DOCK10: variants seen among roughly 807,000 people sequenced by gnomAD.
DOCK10 encodes dedicator of cytokinesis 10.
A neutral mutation model predicts 280.1 loss-of-function variants in DOCK10; 145 were observed. The ratio of observed to expected loss-of-function variants is 0.52; its 90% CI spans 0.45 to 0.59. DOCK10 has a LOEUF of 0.59. Among genes scored for constraint, DOCK10 ranks in the 20% least tolerant of loss-of-function variants. The probability of loss-of-function intolerance (pLI) is 0.00; values close to 1 mark genes in which losing one functional copy is unlikely to be tolerated. For synonymous variants in DOCK10, 915 were observed against 942.2 expected, an observed-to-expected ratio of 0.97 and a Z score of 0.53; for missense variants, 2,368 against 2,651.7, an observed-to-expected ratio of 0.89 and a Z score of 2.35.
At chr2:225,009,950 C>T (rs2126296346) in intron 1 of DOCK10, among the ~76,000 whole-genome samples, 1 of 152,214 alleles carries the variant, frequency 6.6e-6, no homozygotes, top group African/African-American at 2.4e-5. Flanking sequence ...AACTGAGTAA[C>T]AAACTGCCCC....
chr2:224,794,029 T>C (rs922216365), intron 45 of DOCK10, among the ~76,000 whole-genome samples: 3 of 152,220 alleles, frequency 2.0e-5, no homozygotes, highest in Non-Finnish European at 4.4e-5. Context: ...TGAACACATA[T>C]TAAAACTCGA....
At chr2:224,925,654 T>C (rs563296036) in intron 2 of DOCK10, among the ~76,000 whole-genome samples, 1 of 152,360 alleles carries the variant, frequency 6.6e-6, no homozygotes, top group South Asian at 2.1e-4. Flanking sequence ...AGAGTTTTAC[T>C]GGTGTGGACA....
At chr2:224,869,956 A>C (rs555498272) in intron 11 of DOCK10, among the ~76,000 whole-genome samples, 1 of 152,208 alleles carries the variant, frequency 6.6e-6, no homozygotes, top group Non-Finnish European at 1.5e-5. Flanking sequence ...TTTATTTAAC[A>C]AGGTGACTAA....
At chr2:224,960,885 G>A (rs1164729643) in intron 1 of DOCK10, among the ~76,000 whole-genome samples, 4 of 151,780 alleles carry the variant, frequency 2.6e-5, no homozygotes, top group African/African-American at 7.3e-5. Context: ...GACTACAGGC[G>A]CGCGCCACCG....
intron 1 of DOCK10, among the ~76,000 whole-genome samples, chr2:225,038,615 G>A (rs1198361355): frequency 6.6e-6 from 1 of 152,130 alleles, no homozygotes; most frequent in African/African-American, 2.4e-5. Flanking sequence ...ACTTCCGGCA[G>A]GATGCTTTCT....
At chr2:224,825,585 T>C (rs1458375286) in intron 27 of DOCK10, among the ~76,000 whole-genome samples, 2 of 152,342 alleles carry the variant, frequency 1.3e-5, no homozygotes, top group East Asian at 3.9e-4. Flanking sequence ...CATACGTACA[T>C]TTTCCCCACA....
At chr2:224,851,163 C>A (rs1263513415) in intron 18 of DOCK10, among the ~76,000 whole-genome samples, 3 of 152,204 alleles carry the variant, frequency 2.0e-5, no homozygotes, top group Non-Finnish European at 4.4e-5. Context: ...TATAAGCCCC[C>A]TTTGTCCAAA....
chr2:224,950,891 A>G (rs2126120495), intron 1 of DOCK10, among the ~76,000 whole-genome samples: 1 of 152,360 alleles, frequency 6.6e-6, no homozygotes, highest in Admixed American at 6.5e-5. Context: ...GGAAATACTG[A>G]GAAGGCATAG....
At chr2:225,039,811 T>G (rs937483925) in intron 1 of DOCK10, among the ~76,000 whole-genome samples, 3 of 152,144 alleles carry the variant, frequency 2.0e-5, no homozygotes, top group African/African-American at 7.2e-5. Context: ...CCTATGGCAA[T>G]CTTTTGGCAA....
chr2:224,794,743 T>C (rs906405080), intron 45 of DOCK10, 136 bp downstream of exon 45: 11 of 759,154 alleles, frequency 1.4e-5, no homozygotes, highest in Non-Finnish European at 2.2e-5. Flanking sequence ...GTATTGTATA[T>C]GATATATAAC....
chr2:224,859,310 A>G (rs569385552), intron 14 of DOCK10, among the ~76,000 whole-genome samples: 1 of 152,348 alleles, frequency 6.6e-6, no homozygotes, highest in Admixed American at 6.5e-5. Context: ...CAAATGAGGT[A>G]GTCAAGGAAA....
intron 1 of DOCK10, among the ~76,000 whole-genome samples, chr2:224,966,616 T>C (rs1704757605): frequency 1.3e-5 from 2 of 152,186 alleles, no homozygotes; most frequent in Admixed American, 1.3e-4. Flanking sequence ...ATGCGAATCA[T>C]AAAACTGATC....
intron 1 of DOCK10, among the ~76,000 whole-genome samples, chr2:224,986,862 G>A (rs1705988521): frequency 6.6e-6 from 1 of 152,116 alleles, no homozygotes; most frequent in African/African-American, 2.4e-5. Flanking sequence ...GACCTTGCCT[G>A]GGAAAACCAT....
chr2:224,921,109 A>ATATATATATATATATATATATAT (rs1559767727), intron 2 of DOCK10, among the ~76,000 whole-genome samples: 9 of 79,738 alleles, frequency 1.1e-4, no homozygotes, highest in African/African-American at 5.6e-4. Context: ...AAAAAAAAAA[A>ATATATATATATATATATATATAT]AAAATATATA....
At chr2:224,934,628 G>A (rs1169896576) in intron 1 of DOCK10, among the ~76,000 whole-genome samples, 1 of 152,208 alleles carries the variant, frequency 6.6e-6, no homozygotes, top group Non-Finnish European at 1.5e-5. Context: ...AGAGACAGAT[G>A]TATACAAGGA....
chr2:224,889,537 G>T (rs903924106), intron 4 of DOCK10, among the ~76,000 whole-genome samples: 2 of 152,218 alleles, frequency 1.3e-5, no homozygotes, highest in African/African-American at 4.8e-5. Context: ...CATTAAGTAA[G>T]ATTGCTGCCA....
At position 224,774,558 on chromosome 2, in the gene DOCK10, A is replaced by G. The variant is rs183259828; in HGVS notation, c.6013+347T>C. On this transcript the variant is annotated intron_variant, in intron 52 of 55. Transcript: ENST00000258390. ...GTGGTTTAGAATCTTTCCCCAAAGC[A>G]CACGATAAGAGCTGTTAACCCTGAA... 1.3e-3 allele frequency among the ~76,000 whole-genome samples: 203 copies of G among 152,338 alleles called. 1 individual carries two copies. The highest frequency in any genetic ancestry group is 1.7e-3 in the Non-Finnish European group (118 of 68,036).
At chr2:224,850,605 G>C (rs1696666285) in intron 18 of DOCK10, among the ~76,000 whole-genome samples, 2 of 152,102 alleles carry the variant, frequency 1.3e-5, no homozygotes, top group Non-Finnish European at 2.9e-5. Flanking sequence ...TTCCTGAACA[G>C]GCCTTGATAT....
chr2:224,840,426 T>A (rs1695887680), intron 23 of DOCK10, among the ~76,000 whole-genome samples: 1 of 151,558 alleles, frequency 6.6e-6, no homozygotes, highest in African/African-American at 2.4e-5. Flanking sequence ...AGAAAACAAA[T>A]AACCCAATGA....
Sources: gnomAD v4.1 joint callset for allele counts (sites outside exome capture counted in the v4.1 genomes callset) on GRCh38, gnomAD v4.1.1 for gene constraint, MANE v1.5 for transcripts, NCBI Gene and HGNC (gene_info 2026-07-23, HGNC 2026-07-21) for gene names.